Variants in MYO10 observed in about 807,000 individuals in gnomAD.
MYO10 encodes the protein unconventional myosin-X.
A neutral mutation model predicts 257.3 loss-of-function variants in MYO10; 133 were observed. The observed-to-expected ratio is 0.52, with a 90% CI of 0.45 to 0.60. The LOEUF is 0.60. Among genes scored for constraint, MYO10 ranks in the 20% least tolerant of loss-of-function variants. MYO10 has a pLI of 0.00. For missense variants in MYO10, 2,399 were observed against 2,635.7 expected, an observed-to-expected ratio of 0.91 and a Z score of 1.97; for synonymous variants, 1,104 against 1,028.6, an observed-to-expected ratio of 1.07 and a Z score of -1.40.
chr5:16,688,438 C>T (rs1406780936), intron 28 of MYO10, among the ~76,000 whole-genome samples: 6 of 152,072 alleles, frequency 3.9e-5, no homozygotes, highest in Non-Finnish European at 7.4e-5. Context: ...GGATGTTACC[C>T]TCGTAAATTA....
intron 10 of MYO10, 51 bp downstream of exon 10, chr5:16,769,023 T>C (rs1167658090): frequency 5.8e-6 from 9 of 1,542,888 alleles, no homozygotes; most frequent in Non-Finnish European, 2.6e-6. Flanking sequence ...TAGGTTTAAG[T>C]TTCCCACGGG....
intron 2 of MYO10, among the ~76,000 whole-genome samples, chr5:16,837,842 C>A (rs2126724132): frequency 6.6e-6 from 1 of 152,330 alleles, no homozygotes; most frequent in Admixed American, 6.5e-5. Flanking sequence ...AAGTCTACTG[C>A]TGCTGTTTTT....
intron 19 of MYO10, among the ~76,000 whole-genome samples, chr5:16,724,160 A>G (rs1025910251): frequency 2.0e-5 from 3 of 152,316 alleles, no homozygotes; most frequent in African/African-American, 7.2e-5. Flanking sequence ...GTGAGGGAAA[A>G]GACGCTGACT....
At chr5:16,849,246 A>G (rs1211047476) in intron 2 of MYO10, among the ~76,000 whole-genome samples, 1 of 152,234 alleles carries the variant, frequency 6.6e-6, no homozygotes, top group Non-Finnish European at 1.5e-5. Flanking sequence ...ATTAGAAAAC[A>G]TTAGAGATTG....
chr5:16,900,831 G>A (rs1387098567), intron 1 of MYO10, among the ~76,000 whole-genome samples: 9 of 148,164 alleles, frequency 6.1e-5, no homozygotes, highest in South Asian at 2.1e-4. Flanking sequence ...CCTTCTCCTC[G>A]TGGGTTCAAA....
At chr5:16,720,441 ATTTAT>A (rs900049441) in intron 19 of MYO10, among the ~76,000 whole-genome samples, 1 of 151,386 alleles carries the variant, frequency 6.6e-6, no homozygotes, top group African/African-American at 2.4e-5. Flanking sequence ...ATTTTATTTT[ATTTAT>A]TTTATTTTAT....
chr5:16,742,188 TTGGAAAATCCACC>T, intron 19 of MYO10: 1 of 985,418 alleles, frequency 1.0e-6, no homozygotes, highest in Non-Finnish European at 1.2e-6. Flanking sequence ...AGTTGTGATC[TTGGAAAATCCACC>T]CAGAGAACAA....
chr5:16,807,458 T>G (rs1742310808), intron 3 of MYO10, among the ~76,000 whole-genome samples: 2 of 152,002 alleles, frequency 1.3e-5, no homozygotes, highest in African/African-American at 4.8e-5. Flanking sequence ...TGGAAGCCCC[T>G]CCTTTCTCAT....
intron 19 of MYO10, among the ~76,000 whole-genome samples, chr5:16,750,259 A>G (rs535325980): frequency 6.6e-6 from 1 of 152,194 alleles, no homozygotes; most frequent in Non-Finnish European, 1.5e-5. Flanking sequence ...CCTTCTATAC[A>G]ATACCCAAGA....
chr5:16,855,944 A>G (rs1194086930), intron 2 of MYO10, among the ~76,000 whole-genome samples: 2 of 152,192 alleles, frequency 1.3e-5, no homozygotes, highest in African/African-American at 4.8e-5. Context: ...TTATCCCAAA[A>G]TGATTCCCAG....
At chr5:16,764,887 C>T (rs1217187244) in intron 11 of MYO10, among the ~76,000 whole-genome samples, 1 of 152,042 alleles carries the variant, frequency 6.6e-6, no homozygotes, top group East Asian at 1.9e-4. Flanking sequence ...TGGGGTTTCT[C>T]CATGTTGGTC....
At chr5:16,772,846 G>A (rs1741095661) in intron 9 of MYO10, among the ~76,000 whole-genome samples, 1 of 152,142 alleles carries the variant, frequency 6.6e-6, no homozygotes, top group South Asian at 2.1e-4. Flanking sequence ...TTAGTTACAT[G>A]GAACTCTAAA....
intron 39 of MYO10, among the ~76,000 whole-genome samples, chr5:16,669,815 G>A (rs1476234809): frequency 6.6e-6 from 1 of 152,138 alleles, no homozygotes; most frequent in Non-Finnish European, 1.5e-5. Flanking sequence ...ACGATGAGCT[G>A]GCACACTTAT....
chr5:16,831,478 G>A (rs751503132), intron 2 of MYO10, among the ~76,000 whole-genome samples: 12 of 150,436 alleles, frequency 8.0e-5, no homozygotes, highest in Non-Finnish European at 1.0e-4. Context: ...CCAAATGCCC[G>A]TTAATCAATG....
In MYO10 at chr5:16,822,690, ATT is replaced by A. The variant is rs11288111; in HGVS notation, c.121-4525_121-4524del. Among the ~76,000 whole-genome samples the A allele has an allele frequency of 5.6e-4, 75 of 133,498 alleles. No homozygotes were observed. The South Asian group carries it at 8.5e-3, about 15-fold the overall frequency. The allele number at this position is 133,498 out of a possible 152,430, so 87.6% of individuals were successfully genotyped here. ...TTTTTTTTCTTTTTTATTTATTTTT[ATT>A]TTTTTTTTTTTTTGAGACGGAGTCT... On this transcript the variant is annotated intron_variant, in intron 2 of 40. Transcript: ENST00000513610.
intron 2 of MYO10, among the ~76,000 whole-genome samples, chr5:16,837,711 G>C (rs1474014968): frequency 3.3e-5 from 5 of 152,122 alleles, no homozygotes; most frequent in Non-Finnish European, 7.4e-5. Context: ...CAAGGTGTCT[G>C]ATATATGCTG....
intron 19 of MYO10, among the ~76,000 whole-genome samples, chr5:16,718,434 GGA>G (rs1425741124): frequency 6.6e-6 from 1 of 152,278 alleles, no homozygotes; most frequent in African/African-American, 2.4e-5. Context: ...GTGGGGACGT[GGA>G]GAGTATTTAT....
At chr5:16,746,681 G>A (rs890439197) in intron 19 of MYO10, among the ~76,000 whole-genome samples, 1 of 152,154 alleles carries the variant, frequency 6.6e-6, no homozygotes, top group Non-Finnish European at 1.5e-5. Flanking sequence ...GAAAAGCAAG[G>A]TGCCTATTTG....
At chr5:16,776,483 G>T (rs189023870) in intron 9 of MYO10, among the ~76,000 whole-genome samples, 83 of 152,104 alleles carry the variant, frequency 5.5e-4, no homozygotes, top group Middle Eastern at 3.4e-3. Context: ...AGATATTTAA[G>T]GATCTATAAA....
Sources: gnomAD v4.1 joint callset for allele counts (sites outside exome capture counted in the v4.1 genomes callset) on GRCh38, gnomAD v4.1.1 for gene constraint, MANE v1.5 for transcripts, NCBI Gene and HGNC (gene_info 2026-07-23, HGNC 2026-07-21) for gene names.